LRP1B: variants seen among roughly 807,000 people sequenced by gnomAD.
LRP1B encodes LDL receptor related protein 1B.
In LRP1B, 217 loss-of-function variants were observed where a neutral mutation model predicts 556.6. The ratio of observed to expected loss-of-function variants is 0.39; its 90% CI spans 0.35 to 0.44. The LOEUF (loss-of-function observed/expected upper bound fraction) is 0.44, where lower values mean the gene tolerates loss of function less well. LRP1B is among the 20% of genes least tolerant of loss of function. The pLI is 1.00. For missense variants in LRP1B, 5,053 were observed against 5,620.8 expected (o/e 0.90, Z 3.23); for synonymous variants, 2,047 against 1,865.8 (o/e 1.10, Z -2.50).
At chr2:141,391,214 C>A (rs1559045108) in intron 3 of LRP1B, among the ~76,000 whole-genome samples, 1 of 152,098 alleles carries the variant, frequency 6.6e-6, no homozygotes, top group Non-Finnish European at 1.5e-5. Context: ...GCTATAAATT[C>A]TATGATTTTA....
intron 3 of LRP1B, among the ~76,000 whole-genome samples, chr2:141,370,715 T>C (rs1318106601): frequency 1.3e-5 from 2 of 152,178 alleles, no homozygotes; most frequent in East Asian, 3.9e-4. Flanking sequence ...CGTGAATTCT[T>C]TGCCTAGACC....
chr2:140,747,089 T>A (rs1688341495), intron 35 of LRP1B, among the ~76,000 whole-genome samples: 1 of 152,200 alleles, frequency 6.6e-6, no homozygotes, highest in Non-Finnish European at 1.5e-5. Flanking sequence ...TCTGTGTCAG[T>A]TTCTATGGCT....
rs6733828 is a variant in LRP1B, at chr2:140,331,457, A to C, written c.12223+2996T>G. The stretch of plus-strand genomic sequence containing the variant: ...AAGGCACATATTCGAATCACTCCTT[A>C]AAATTATACAATGGCTCAATATTGG... On this transcript the variant is annotated intron_variant, in intron 79 of 90. Transcript: ENST00000389484. Among the ~76,000 whole-genome samples, 174 of 152,072 alleles carry C rather than the reference A, an allele frequency of 1.1e-3. 1 individual carries two copies. The highest frequency in any genetic ancestry group is 4.1e-3 in the African/African-American group (169 of 41,520).
At chr2:141,254,662 T>C (rs777651060) in intron 3 of LRP1B, 21 bp from the exon 4 acceptor site, 2 of 1,554,036 alleles carry the variant, frequency 1.3e-6, no homozygotes, top group Non-Finnish European at 1.8e-6. Context: ...AAAACAAATA[T>C]ATTCTCTATA....
At chr2:141,301,478 A>G (rs1686394716) in intron 3 of LRP1B, among the ~76,000 whole-genome samples, 1 of 152,328 alleles carries the variant, frequency 6.6e-6, no homozygotes. Context: ...ATCACATACA[A>G]TAAGAGAAAA....
At chr2:141,402,774 T>A (rs1190379697) in intron 3 of LRP1B, among the ~76,000 whole-genome samples, 3 of 152,106 alleles carry the variant, frequency 2.0e-5, no homozygotes, top group East Asian at 3.9e-4. Flanking sequence ...TTAGCTTAAG[T>A]TTGGAGAATT....
rs1345603976 is a variant in LRP1B at position 141,774,689 on chromosome 2, C to T, written c.205+35590G>A. ...AGTACAGAACTTTTGGAAACACCGT[C>T]CCTTCAAATGCTACCTTACTTAAAA... On this transcript the variant is annotated intron_variant, in intron 2 of 90. Coordinates refer to ENST00000389484, the MANE Select transcript of LRP1B (RefSeq NM_018557.3). 2.0e-5 allele frequency among the ~76,000 whole-genome samples: 3 copies of T among 152,176 alleles called. No homozygotes were observed. The South Asian group carries it at 6.2e-4, about 31-fold the overall frequency.
intron 41 of LRP1B, among the ~76,000 whole-genome samples, chr2:140,687,661 T>C (rs1686096933): frequency 6.6e-6 from 1 of 152,078 alleles, no homozygotes; most frequent in Non-Finnish European, 1.5e-5. Context: ...AAGCTCACAA[T>C]AGTAGGTTGA....
intron 2 of LRP1B, among the ~76,000 whole-genome samples, chr2:141,613,763 G>A (rs896910444): frequency 1.3e-5 from 2 of 151,968 alleles, no homozygotes; most frequent in African/African-American, 2.4e-5. Flanking sequence ...GAATACTACG[G>A]TCAAATTCCT....
rs145175327 is a variant in LRP1B at position 141,039,316 on chromosome 2, T to C, written c.1789+9670A>G. The stretch of plus-strand genomic sequence containing the variant: ...CATTTATTATAGCATGTTGTTATAA[T>C]TGTTCTATTTTATTATCATTATTGT... On this transcript the variant is annotated intron_variant, in intron 11 of 90. Coordinates refer to ENST00000389484, the MANE Select transcript of LRP1B (RefSeq NM_018557.3). 1.4e-3 allele frequency among the ~76,000 whole-genome samples: 215 copies of C among 152,034 alleles called. 1 individual carries two copies. The highest frequency in any genetic ancestry group is 3.4e-3 in the Middle Eastern group (1 of 294).
intron 1 of LRP1B, among the ~76,000 whole-genome samples, chr2:141,877,964 A>G (rs575887666): frequency 1.6e-4 from 25 of 151,938 alleles, no homozygotes; most frequent in Non-Finnish European, 2.6e-4. Flanking sequence ...AAAAAATAAG[A>G]GAAAGAAAAT....
chr2:142,016,467 G>T (rs1377755804), intron 1 of LRP1B, among the ~76,000 whole-genome samples: 1 of 152,216 alleles, frequency 6.6e-6, no homozygotes, highest in East Asian at 1.9e-4. Flanking sequence ...AGAAAATGTG[G>T]CACATATACA....
intron 1 of LRP1B, among the ~76,000 whole-genome samples, chr2:142,100,695 A>G (rs1409011954): frequency 6.6e-6 from 1 of 152,034 alleles, no homozygotes; most frequent in Non-Finnish European, 1.5e-5. Context: ...ATACCTCTGT[A>G]AATGAGTCAT....
intron 7 of LRP1B, among the ~76,000 whole-genome samples, chr2:141,155,479 T>G (rs1186024948): frequency 6.6e-6 from 1 of 150,700 alleles, no homozygotes; most frequent in East Asian, 1.9e-4. Context: ...TTTTTCTTTT[T>G]ATTATTATTT....
chr2:142,004,972 T>C lies in LRP1B; in HGVS notation c.82+125676A>G, dbSNP rs1034723913. Among the ~76,000 whole-genome samples the C allele has an allele frequency of 3.3e-5, 5 of 149,564 alleles. No homozygotes were observed. In the South Asian group the frequency reaches 1.0e-3, roughly 31 times the overall value. ...TGGCAGTGGTCTGCAACAAATACTA[T>C]ATATTTAGTATTATAGATACTATAT... On this transcript the variant is annotated intron_variant, in intron 1 of 90. Transcript: ENST00000389484.
chr2:141,924,408 T>C (rs1025614742), intron 1 of LRP1B, among the ~76,000 whole-genome samples: 1 of 151,998 alleles, frequency 6.6e-6, no homozygotes, highest in Non-Finnish European at 1.5e-5. Context: ...CTCACATTGA[T>C]CCTTCAAGCC....
intron 1 of LRP1B, among the ~76,000 whole-genome samples, chr2:141,888,946 AT>A (rs1312579921): frequency 1.3e-5 from 2 of 152,164 alleles, no homozygotes; most frequent in Admixed American, 1.3e-4. Context: ...GAACTTAAGC[AT>A]TTAACTGGAA....
At chr2:141,319,739 T>G (rs17602834) in intron 3 of LRP1B, among the ~76,000 whole-genome samples, 2 of 151,818 alleles carry the variant, frequency 1.3e-5, no homozygotes, top group South Asian at 2.1e-4. Context: ...CACTGTGTAT[T>G]GAATCGCAAG....
Position 141,625,636 on chromosome 2 carries a change from T to C in LRP1B, c.206-145103A>G, listed in dbSNP as rs997266123. ...GACTTAGAGCTCAGTGCATATATGC[T>C]ACATAAGTGAATGAATAAATGAAAT... On this transcript the variant is annotated intron_variant, in intron 2 of 90. Coordinates refer to ENST00000389484, the MANE Select transcript of LRP1B (RefSeq NM_018557.3). Among the ~76,000 whole-genome samples, 9 of 152,192 alleles carry C rather than the reference T, an allele frequency of 5.9e-5. 1 individual carries two copies. Among genetic ancestry groups the C allele is most frequent in the Non-Finnish European group, 1.2e-4 (8 of 68,018 alleles).
Sources: gnomAD v4.1 joint callset for allele counts (sites outside exome capture counted in the v4.1 genomes callset) on GRCh38, gnomAD v4.1.1 for gene constraint, MANE v1.5 for transcripts, NCBI Gene and HGNC (gene_info 2026-07-23, HGNC 2026-07-21) for gene names.